PCDH9: variants seen among roughly 807,000 people sequenced by gnomAD.
The protein encoded by PCDH9 is protocadherin-9.
Under a neutral mutation model 70.6 loss-of-function variants are expected in PCDH9, and 24 were observed. The observed-to-expected ratio is 0.34, with a 90% CI of 0.25 to 0.48. The LOEUF is 0.48. Ranked by LOEUF, PCDH9 falls within the 20% of genes least tolerant of loss-of-function variation. The probability of loss-of-function intolerance (pLI) is 0.99; values close to 1 mark genes in which losing one functional copy is unlikely to be tolerated. For missense variants in PCDH9, 1,281 were observed against 1,503.6 expected (o/e 0.85, Z 2.45); for synonymous variants, 562 against 558.5 (o/e 1.01, Z -0.09).
intron 4 of PCDH9, among the ~76,000 whole-genome samples, chr13:66,389,855 A>G (rs1039886279): frequency 2.2e-4 from 34 of 152,210 alleles, no homozygotes; most frequent in Admixed American, 1.1e-3. Context: ...CAACTAAAAA[A>G]AGTATTTTAA....
At chr13:66,892,423 C>G (rs1724096726) in intron 3 of PCDH9, among the ~76,000 whole-genome samples, 1 of 151,732 alleles carries the variant, frequency 6.6e-6, no homozygotes, top group Non-Finnish European at 1.5e-5. Flanking sequence ...AACAATGAAA[C>G]TGGAGTGGCC....
intron 3 of PCDH9, among the ~76,000 whole-genome samples, chr13:66,751,654 A>C (rs9529132): frequency 0.51 from 76,846 of 152,064 alleles, 21,046 homozygotes; most frequent in Non-Finnish European, 0.63. Flanking sequence ...CTTTACTTCA[A>C]TCATGGATAT....
intron 2 of PCDH9, among the ~76,000 whole-genome samples, chr13:67,195,357 ATGGTCTCGATCTCCTGACCCTGT>A (rs2089034178): frequency 6.6e-6 from 1 of 151,952 alleles, no homozygotes; most frequent in Non-Finnish European, 1.5e-5. Flanking sequence ...GTTAGACAGG[ATGGTCTCGATCTCCTGACCCTGT>A]GATCCACCCG....
chr13:66,913,422 G>A (rs2082504068), intron 2 of PCDH9, among the ~76,000 whole-genome samples: 1 of 151,864 alleles, frequency 6.6e-6, no homozygotes, highest in African/African-American at 2.4e-5. Context: ...ACAGTATCTA[G>A]GAGTAAAAAT....
chr13:66,974,526 G>A (rs1253000640), intron 2 of PCDH9, among the ~76,000 whole-genome samples: 2 of 151,896 alleles, frequency 1.3e-5, no homozygotes, highest in African/African-American at 4.8e-5. Context: ...GAGTTGAGGG[G>A]GAGACAGTCC....
At chr13:67,053,501 A>T (rs1262928489) in intron 2 of PCDH9, among the ~76,000 whole-genome samples, 1 of 152,208 alleles carries the variant, frequency 6.6e-6, no homozygotes, top group Non-Finnish European at 1.5e-5. Context: ...AAATAAACAT[A>T]GAAGACATTA....
chr13:66,372,777 T>C (rs1032129125), intron 4 of PCDH9, among the ~76,000 whole-genome samples: 1 of 151,812 alleles, frequency 6.6e-6, no homozygotes, highest in Non-Finnish European at 1.5e-5. Context: ...AGGTGAAATA[T>C]GTAAAATATG....
chr13:67,031,791 T>A (rs2084911885), intron 2 of PCDH9, among the ~76,000 whole-genome samples: 1 of 152,182 alleles, frequency 6.6e-6, no homozygotes, highest in African/African-American at 2.4e-5. Context: ...TTTGCCTTTC[T>A]AGCACACTTT....
intron 2 of PCDH9, among the ~76,000 whole-genome samples, chr13:67,079,101 A>T (rs2085934890): frequency 6.6e-6 from 1 of 152,092 alleles, no homozygotes; most frequent in Middle Eastern, 3.4e-3. Context: ...CAAGGTCAAG[A>T]GTTTGAGACC....
At chr13:66,305,136 A>G (rs1955442415) in intron 4 of PCDH9, 108 bp from the exon 5 acceptor site, 1 of 990,712 alleles carries the variant, frequency 1.0e-6, no homozygotes, top group Non-Finnish European at 1.4e-6. Context: ...TTTTCATAAA[A>G]GTGTATCAAG....
rs2078023014 is a variant in PCDH9 at position 66,662,384 on chromosome 13, A to C, written c.3139-30973T>G. Among the ~76,000 whole-genome samples, 4 of 152,150 alleles carry C rather than the reference A, an allele frequency of 2.6e-5. No individual in the cohort carries two copies. In the South Asian group the frequency reaches 8.3e-4, roughly 32 times the overall value. On this transcript the variant is annotated intron_variant, in intron 3 of 4. Transcript: ENST00000377865. The stretch of plus-strand genomic sequence containing the variant: ...GCTACTTGGGAGACTTAGGCAGGAG[A>C]ATTGTTTGAACTTGGGAGGCAGAGG...
chr13:67,095,252 TAAC>T (rs2086296821), intron 2 of PCDH9, among the ~76,000 whole-genome samples: 1 of 152,134 alleles, frequency 6.6e-6, no homozygotes, highest in South Asian at 2.1e-4. Context: ...CAGCGTTTCC[TAAC>T]AACTCTATAT....
At chr13:66,530,964 G>A (rs1006097653) in intron 4 of PCDH9, among the ~76,000 whole-genome samples, 4 of 151,912 alleles carry the variant, frequency 2.6e-5, no homozygotes, top group Admixed American at 2.6e-4. Context: ...ATGTAAAAGG[G>A]AGTCTGTGTT....
chr13:66,935,259 T>C (rs1242079923), intron 2 of PCDH9, among the ~76,000 whole-genome samples: 1 of 152,036 alleles, frequency 6.6e-6, no homozygotes, highest in Non-Finnish European at 1.5e-5. Flanking sequence ...TCCCACTGTT[T>C]GGCCTAGGCA....
chr13:66,414,376 A>G (rs1566307418), intron 4 of PCDH9, among the ~76,000 whole-genome samples: 1 of 152,240 alleles, frequency 6.6e-6, no homozygotes, highest in Non-Finnish European at 1.5e-5. Context: ...CAAAGTTTAC[A>G]TAAAATTCTC....
chr13:66,567,440 T>C (rs1301319645), intron 4 of PCDH9, among the ~76,000 whole-genome samples: 1 of 152,152 alleles, frequency 6.6e-6, no homozygotes, highest in Non-Finnish European at 1.5e-5. Flanking sequence ...AGAATGCCAA[T>C]CTTTAACCTT....
chr13:66,338,886 A>AG (rs1312904040), intron 4 of PCDH9, among the ~76,000 whole-genome samples: 3 of 151,216 alleles, frequency 2.0e-5, no homozygotes, highest in Admixed American at 6.6e-5. Flanking sequence ...AGAAGAGAAA[A>AG]AAAAAGAAGT....
intron 2 of PCDH9, among the ~76,000 whole-genome samples, chr13:67,114,993 T>A (rs1033285056): frequency 1.3e-5 from 2 of 152,322 alleles, no homozygotes; most frequent in African/African-American, 4.8e-5. Context: ...TTGTTATCTC[T>A]TTGTCTTTGT....
chr13:66,313,747 G>C (rs935923620), intron 4 of PCDH9, among the ~76,000 whole-genome samples: 1 of 152,096 alleles, frequency 6.6e-6, no homozygotes, highest in Non-Finnish European at 1.5e-5. Flanking sequence ...TATAACTTCA[G>C]CCTTGTTTCT....
Sources: gnomAD v4.1 joint callset for allele counts (sites outside exome capture counted in the v4.1 genomes callset) on GRCh38, gnomAD v4.1.1 for gene constraint, MANE v1.5 for transcripts, NCBI Gene and HGNC (gene_info 2026-07-23, HGNC 2026-07-21) for gene names.